The following OTOGL variants were observed in gnomAD, a reference collection of about 807,000 sequenced individuals.
The protein encoded by OTOGL is otogelin-like protein.
A neutral mutation model predicts 318.5 loss-of-function variants in OTOGL; 285 were observed. That is an observed-to-expected ratio of 0.89 (90% CI 0.81 to 0.99). The LOEUF is 0.99. Ranked by LOEUF, OTOGL falls within the 50% of genes least tolerant of loss-of-function variation. The pLI is 0.00. For synonymous variants in OTOGL, 987 were observed against 936.5 expected (o/e 1.05, Z -0.99); for missense variants, 2,899 against 2,845.6 (o/e 1.02, Z -0.43).
rs372199629 is a variant in OTOGL, at chr12:80,342,269, C to G, written c.5265+107C>G. ...AATGTTCTTCTACTGAGAACAAAAC[C>G]CCCAACCTTCTGTCAGTATGCTTTG... is the stretch of plus-strand genomic sequence containing the variant. On this transcript the variant is annotated intron_variant, in intron 44 of 58. Transcript: ENST00000547103. 2.4e-3 allele frequency: 1,944 copies of G among 804,716 alleles called. 43 individuals are homozygous for G. In the South Asian group the frequency reaches 0.036, roughly 15 times the overall value. The allele number at this position is 804,716 out of a possible 1,614,324, so 49.8% of individuals were successfully genotyped here. A position where few individuals can be genotyped will look rare whatever the true frequency, so the allele number is the denominator to read the frequency against.
chr12:80,254,914 T>C (rs1881893869), intron 15 of OTOGL, 126 bp from the exon 16 acceptor site: 1 of 802,876 alleles, frequency 1.2e-6, no homozygotes, highest in Non-Finnish European at 1.8e-6. Context: ...AAAGTTTTGA[T>C]GCATGATTAT....
intron 11 of OTOGL, among the ~76,000 whole-genome samples, chr12:80,250,010 G>T (rs1007844026): frequency 2.0e-5 from 3 of 152,008 alleles, no homozygotes; most frequent in Admixed American, 6.5e-5. Context: ...GCAATGCCTC[G>T]CCCTGCTTCG....
At chr12:80,155,782 G>A (rs2137179851) in intron 1 of OTOGL, among the ~76,000 whole-genome samples, 1 of 152,114 alleles carries the variant, frequency 6.6e-6, no homozygotes, top group African/African-American at 2.4e-5. Flanking sequence ...CATTTTCTCA[G>A]CCTTTGGTAA....
At chr12:80,222,371 G>A (rs1236969465) in intron 7 of OTOGL, 126 bp downstream of exon 7, 1 of 1,028,972 alleles carries the variant, frequency 9.7e-7, no homozygotes, top group Non-Finnish European at 1.3e-6. Flanking sequence ...TTTGAAGAGG[G>A]TCTGGGTTCA....
chr12:80,367,780 A>T, intron 54 of OTOGL, 41 bp downstream of exon 54: 1 of 1,267,278 alleles, frequency 7.9e-7, no homozygotes, highest in Non-Finnish European at 1.0e-6. Flanking sequence ...GAGTTAATGC[A>T]TTCAAAAATG....
Position 80,266,497 on chromosome 12 carries a change from C to T in OTOGL, c.2271C>T (p.Phe757=), listed in dbSNP as rs949936521. 4 of 1,613,562 alleles carry T rather than the reference C, an allele frequency of 2.5e-6. No homozygotes were observed. The Admixed American group carries it at 5.0e-5, about 20-fold the overall frequency. ...KGMLYHHCSS[F]CLHSCISLSS... ...TGCTGTACCATCACTGTTCCTCGTT[C>T]TGCCTCCATTCCTGCATTTCTCTCT... Residue 757 remains phenylalanine (F), a synonymous_variant, in exon 21 of 59, where the codon TTC becomes TTT. Coordinates refer to ENST00000547103, the MANE Select transcript of OTOGL (RefSeq NM_001378609.3).
At chr12:80,190,765 CG>C (rs1443064503) in intron 1 of OTOGL, among the ~76,000 whole-genome samples, 2 of 121,350 alleles carry the variant, frequency 1.6e-5, no homozygotes, top group Non-Finnish European at 3.2e-5. Flanking sequence ...CCAGCTTGGG[CG>C]AAAGAGTGAG....
intron 52 of OTOGL, among the ~76,000 whole-genome samples, chr12:80,359,490 A>G (rs1039579899): frequency 1.3e-5 from 2 of 152,154 alleles, no homozygotes; most frequent in Admixed American, 6.6e-5. Context: ...TCCTGGCGCT[A>G]TTTATTAGAG....
rs772046872 is a variant in OTOGL, at chr12:80,336,131, G to T, written c.4591G>T (p.Glu1531Ter). The T allele has an allele frequency of 4.4e-6, 7 of 1,589,036 alleles. No individual in the cohort carries two copies. Among genetic ancestry groups the T allele is most frequent in the Non-Finnish European group, 6.0e-6 (7 of 1,176,454 alleles). The change falls in exon 39 of 59, where the codon GAA becomes TAA. Residue 1531 changes from glutamate (E) to a stop codon, truncating the protein, a stop_gained. Transcript: ENST00000547103. LOFTEE classifies it high-confidence loss of function. ...CAGTGATATCTGCTGCCCTGAGTGG[G>T]AATGTCCTTGTAAGTTTGCATTTCT... ...VNSDICCPEWECPCRCSMLSE... is the reference protein window; with the variant it reads ...VNSDICCPEW
intron 9 of OTOGL, 29 bp from the exon 10 acceptor site, chr12:80,238,816 TTGTGTG>T: frequency 7.6e-6 from 10 of 1,313,750 alleles, no homozygotes; most frequent in South Asian, 3.0e-5. Flanking sequence ...TTACACCTAT[TTGTGTG>T]TGTGTGTGTG....
rs923033225 is a variant in OTOGL at position 80,311,070 on chromosome 12, A to C, written c.3450+343A>C. Among the ~76,000 whole-genome samples the C allele has an allele frequency of 1.0e-3, 155 of 152,338 alleles. 1 individual carries two copies. The highest frequency in any genetic ancestry group is 3.2e-3 in the African/African-American group (131 of 41,584). ...CATTGTCAAATGGGTATTCTTCTCA[A>C]CTCAAAGTGCAGTTTAAAAGTATTG... is the stretch of plus-strand genomic sequence containing the variant. On this transcript the variant is annotated intron_variant, in intron 30 of 58. Coordinates refer to ENST00000547103, the MANE Select transcript of OTOGL (RefSeq NM_001378609.3).
intron 8 of OTOGL, among the ~76,000 whole-genome samples, chr12:80,231,698 G>C (rs973242730): frequency 8.5e-5 from 13 of 152,068 alleles, no homozygotes; most frequent in African/African-American, 3.1e-4. Context: ...GCAGCGACAT[G>C]ATTTCAGCTC....
chr12:80,311,854 T>C (rs1262982637), intron 30 of OTOGL, among the ~76,000 whole-genome samples: 1 of 152,236 alleles, frequency 6.6e-6, no homozygotes, highest in South Asian at 2.1e-4. Context: ...AGGTTTTTGA[T>C]ACTTAATGAG....
intron 33 of OTOGL, 34 bp downstream of exon 33, chr12:80,318,747 C>A (rs973105522): frequency 2.7e-5 from 32 of 1,180,682 alleles, no homozygotes; most frequent in Non-Finnish European, 3.5e-5. Flanking sequence ...TTTAGCTTTC[C>A]AATTACATTT....
chr12:80,343,199 A>G (rs1347268724), intron 44 of OTOGL, among the ~76,000 whole-genome samples: 1 of 152,096 alleles, frequency 6.6e-6, no homozygotes, highest in Non-Finnish European at 1.5e-5. Flanking sequence ...TGAATTGTTT[A>G]AAAGTATGAG....
intron 1 of OTOGL, among the ~76,000 whole-genome samples, chr12:80,166,990 C>T (rs374611819): frequency 2.0e-5 from 3 of 152,222 alleles, no homozygotes; most frequent in South Asian, 4.1e-4. Flanking sequence ...GAATGAATTT[C>T]GGGGAGGAAT....
At chr12:80,236,861 C>T (rs1260376181) in intron 9 of OTOGL, among the ~76,000 whole-genome samples, 5 of 147,006 alleles carry the variant, frequency 3.4e-5, no homozygotes, top group African/African-American at 1.3e-4. Flanking sequence ...GTCGCACAGG[C>T]TGGAGTGCAG....
At chr12:80,101,363 G>A (rs1869126607) in intron 1 of OTOGL, among the ~76,000 whole-genome samples, 1 of 152,122 alleles carries the variant, frequency 6.6e-6, no homozygotes. Context: ...CTTAATATTT[G>A]AGTGTAAGAA....
chr12:80,318,623 A>G lies in OTOGL; in HGVS notation c.3712A>G (p.Ser1238Gly). Residue 1238 changes from serine to glycine, a missense_variant, in exon 33 of 59, where the codon AGC (serine) becomes GGC (glycine). Ser to Gly is a moderately conservative substitution (Grantham distance 56). Around this residue, in one of 3 missense-constraint regions of OTOGL, gnomAD observed 2,607 missense variants for 2,524.9 expected, o/e 1.03. Coordinates refer to ENST00000547103, the MANE Select transcript of OTOGL (RefSeq NM_001378609.3). ...LVLGANMTSR[S>G]VFCLPRSSVH... ...TCTGGGGGCCAATATGACCAGCAGA[A>G]GCGTTTTCTGTTTGCCGAGAAGCAG... 6.8e-7 allele frequency: 1 copy of G among 1,473,856 alleles called. No homozygotes were observed. The highest frequency in any genetic ancestry group is 9.0e-7 in the Non-Finnish European group (1 of 1,111,264). The allele number at this position is 1,473,856 out of a possible 1,614,324, so 91.3% of individuals were successfully genotyped here.
Sources: gnomAD v4.1 joint callset for allele counts (sites outside exome capture counted in the v4.1 genomes callset) on GRCh38, gnomAD v4.1.1 for gene constraint, gnomAD v4.1.1 regional missense constraint, MANE v1.5 for transcripts, NCBI Gene and HGNC (gene_info 2026-07-23, HGNC 2026-07-21) for gene names.